POLDIP3: variants seen among roughly 807,000 people sequenced by gnomAD.
POLDIP3 encodes polymerase delta-interacting protein 3.
POLDIP3 carries 14 observed loss-of-function variants against 45.1 expected under a neutral mutation model. That is an observed-to-expected ratio of 0.31 (90% confidence interval 0.20 to 0.49). POLDIP3 has a LOEUF of 0.49. Ranked by LOEUF, POLDIP3 falls within the 20% of genes least tolerant of loss-of-function variation. The pLI is 0.99. For missense variants in POLDIP3, 511 were observed against 538.8 expected, an observed-to-expected ratio of 0.95 and a Z score of 0.51; for synonymous variants, 223 against 205.2, an observed-to-expected ratio of 1.09 and a Z score of -0.74.
intron 1 of POLDIP3, among the ~76,000 whole-genome samples, chr22:42,610,045 A>C (rs1239454993): frequency 1.3e-5 from 2 of 152,070 alleles, no homozygotes; most frequent in Admixed American, 6.5e-5. Flanking sequence ...GTAGTGGCCC[A>C]TGCCTGTAGT....
intron 7 of POLDIP3, among the ~76,000 whole-genome samples, chr22:42,589,376 AC>A (rs945223775): frequency 1.7e-4 from 26 of 152,374 alleles, no homozygotes; most frequent in African/African-American, 5.8e-4. Context: ...AAAAAAAGTG[AC>A]TAGAGGTAAA....
Position 42,585,776 on chromosome 22 carries a change from G to C in POLDIP3, c.*15C>G. The stretch of plus-strand genomic sequence containing the variant: ...CCCTCCTCTGCCCCCACTTCTGGCT[G>C]CCTCACTCCCCTGCTCAAAGCTTGA... On this transcript the variant is annotated 3_prime_UTR_variant, in exon 9 of 9. Transcript: ENST00000252115. The C allele has an allele frequency of 1.2e-6, 2 of 1,606,682 alleles. No individual in the cohort carries two copies. The highest frequency in any genetic ancestry group is 2.7e-5 in the African/African-American group (2 of 74,776).
chr22:42,609,944 G>A (rs955253939), intron 1 of POLDIP3, among the ~76,000 whole-genome samples: 2 of 152,140 alleles, frequency 1.3e-5, no homozygotes. Flanking sequence ...AGGCTGAGAT[G>A]GGCGGATCAC....
chr22:42,591,687 T>C (rs1172230380), intron 7 of POLDIP3, among the ~76,000 whole-genome samples: 2 of 152,258 alleles, frequency 1.3e-5, no homozygotes, highest in Non-Finnish European at 2.9e-5. Context: ...TTGGCTCCCC[T>C]GGCAAGACCC....
intron 1 of POLDIP3, among the ~76,000 whole-genome samples, chr22:42,611,473 G>A (rs1430998340): frequency 3.9e-5 from 6 of 152,158 alleles, no homozygotes; most frequent in Non-Finnish European, 8.8e-5. Flanking sequence ...ACTTCCACAA[G>A]CTGGATCTTT....
intron 1 of POLDIP3, among the ~76,000 whole-genome samples, chr22:42,606,957 GA>G (rs2146830752): frequency 1.3e-5 from 2 of 152,152 alleles, no homozygotes; most frequent in Admixed American, 1.3e-4. Context: ...GAAGAGTTAA[GA>G]AAAAAACTTC....
chr22:42,587,928 T>C (rs976247282), intron 7 of POLDIP3, among the ~76,000 whole-genome samples: 3 of 152,226 alleles, frequency 2.0e-5, no homozygotes, highest in Admixed American at 2.0e-4. Context: ...AAAAGCATTA[T>C]GTACAGGCTT....
At chr22:42,591,918 G>A (rs113297073) in intron 7 of POLDIP3, 37 bp downstream of exon 7, 34 of 1,613,110 alleles carry the variant, frequency 2.1e-5, no homozygotes, top group South Asian at 1.2e-4. Flanking sequence ...GTAGAGATGA[G>A]TGGGAGGGTC....
In POLDIP3 at chr22:42,592,069, A is replaced by G; in HGVS notation, c.907T>C (p.Cys303Arg). 6.2e-7 allele frequency: 1 copy of G among 1,614,226 alleles called. No homozygotes were observed. Among genetic ancestry groups the G allele is most frequent in the Non-Finnish European group, 8.5e-7 (1 of 1,180,032 alleles). Residue 303 changes from cysteine to arginine, a missense_variant, in exon 7 of 9, where the codon TGT (cysteine) becomes CGT (arginine). Coordinates refer to ENST00000252115, the MANE Select transcript of POLDIP3 (RefSeq NM_032311.5). ...AGTCGAGCTCGCTTGAGGGCCCCAC[A>G]CACACAGAAAAGCTCCTGCACACAA... ...EEDIVELFCV[C>R]GALKRARLVH...
chr22:42,596,299 C>A lies in POLDIP3; in HGVS notation c.700G>T (p.Asp234Tyr). 6.2e-7 allele frequency: 1 copy of A among 1,614,060 alleles called. No individual in the cohort carries two copies. Among genetic ancestry groups the A allele is most frequent in the Non-Finnish European group, 8.5e-7 (1 of 1,179,932 alleles). ...ALPLTKVVQN[D>Y]AYTAPALPSS... is the part of the protein sequence containing the mutation. The stretch of plus-strand genomic sequence containing the variant: ...GGGAGAGCAGGAGCTGTGTATGCAT[C>A]ATTCTGAACCACTTTGGTGAGAGGG... Residue 234 changes from aspartate to tyrosine, a missense_variant, in exon 5 of 9, where the codon GAT becomes TAT. Asp to Tyr is a radical substitution (Grantham distance 160, BLOSUM62 -3). Coordinates refer to ENST00000252115, the MANE Select transcript of POLDIP3 (RefSeq NM_032311.5).
At chr22:42,595,309 G>A (rs552019528) in intron 6 of POLDIP3, among the ~76,000 whole-genome samples, 25 of 152,320 alleles carry the variant, frequency 1.6e-4, no homozygotes, top group Admixed American at 2.6e-4. Context: ...CATCCTGTGC[G>A]ACTCTGCTGG....
intron 6 of POLDIP3, among the ~76,000 whole-genome samples, chr22:42,593,653 G>C (rs1013549829): frequency 6.6e-6 from 1 of 152,114 alleles, no homozygotes; most frequent in Non-Finnish European, 1.5e-5. Context: ...TGAGTAGCTG[G>C]GACTACAGGC....
At chr22:42,592,372 T>C (rs1278473987) in intron 6 of POLDIP3, among the ~76,000 whole-genome samples, 1 of 152,198 alleles carries the variant, frequency 6.6e-6, no homozygotes, top group Non-Finnish European at 1.5e-5. Flanking sequence ...TCAACAGGGA[T>C]AAAACAGTTA....
intron 7 of POLDIP3, among the ~76,000 whole-genome samples, chr22:42,590,407 T>C (rs1316422623): frequency 6.6e-6 from 1 of 152,120 alleles, no homozygotes; most frequent in African/African-American, 2.4e-5. Context: ...TGGTCTCAAG[T>C]TTCTAGGCTC....
chr22:42,600,402 G>A (rs1327059481), intron 3 of POLDIP3, among the ~76,000 whole-genome samples: 6 of 151,936 alleles, frequency 3.9e-5, no homozygotes, highest in South Asian at 2.1e-4. Flanking sequence ...CGAGGAGGGC[G>A]GATCACGAGG....
chr22:42,601,630 A>T (rs1169884035), intron 3 of POLDIP3, among the ~76,000 whole-genome samples: 1 of 152,104 alleles, frequency 6.6e-6, no homozygotes, highest in Non-Finnish European at 1.5e-5. Context: ...GTGTGGTGGT[A>T]CGCGCCTGTA....
intron 1 of POLDIP3, among the ~76,000 whole-genome samples, chr22:42,604,288 C>CG (rs1161376128): frequency 6.6e-6 from 1 of 151,986 alleles, no homozygotes; most frequent in Admixed American, 6.6e-5. Flanking sequence ...CTGGGTGGGG[C>CG]GGGGGGAGGA....
At chr22:42,613,606 C>G (rs923133175) in intron 1 of POLDIP3, among the ~76,000 whole-genome samples, 10 of 151,958 alleles carry the variant, frequency 6.6e-5, no homozygotes, top group Admixed American at 2.0e-4. Flanking sequence ...ACTAAAAATA[C>G]AAAAATTAGC....
At position 42,594,191 on chromosome 22, in the gene POLDIP3, G is replaced by A. The variant is rs186582338; in HGVS notation, c.891+1346C>T. Among the ~76,000 whole-genome samples the A allele has an allele frequency of 1.5e-3, 225 of 152,260 alleles. 2 individuals are homozygous for A. Among genetic ancestry groups the A allele is most frequent in the South Asian group, 2.9e-3 (14 of 4,812 alleles). ...CATAAGAATCACTTGAACCCAGGAGGCGGAAGTTGCAGTGAGCCAAGATCG... is the reference window on the plus strand; with the variant it reads ...CATAAGAATCACTTGAACCCAGGAGACGGAAGTTGCAGTGAGCCAAGATCG... On this transcript the variant is annotated intron_variant, in intron 6 of 8. Coordinates refer to ENST00000252115, the MANE Select transcript of POLDIP3 (RefSeq NM_032311.5).
Sources: gnomAD v4.1 joint callset for allele counts (sites outside exome capture counted in the v4.1 genomes callset) on GRCh38, gnomAD v4.1.1 for gene constraint, MANE v1.5 for transcripts, NCBI Gene and HGNC (gene_info 2026-07-23, HGNC 2026-07-21) for gene names.